The following ADAMTS20 variants were observed in gnomAD, a reference collection of about 807,000 sequenced individuals.
The protein encoded by ADAMTS20 is ADAM metallopeptidase with thrombospondin type 1 motif 20.
Under a neutral mutation model 260.1 loss-of-function variants are expected in ADAMTS20, and 225 were observed. That is an observed-to-expected ratio of 0.87 (90% CI 0.78 to 0.97). The LOEUF is 0.97. ADAMTS20 is among the 50% of genes least tolerant of loss of function. The pLI, the probability that ADAMTS20 is intolerant of heterozygous loss-of-function variation, is 0.00. For missense variants in ADAMTS20, 2,400 were observed against 2,337.7 expected (o/e 1.03, Z -0.55); for synonymous variants, 802 against 769.5 (o/e 1.04, Z -0.70).
chr12:43,517,607 TCAC>T (rs1943016778), intron 3 of ADAMTS20, among the ~76,000 whole-genome samples: 1 of 152,088 alleles, frequency 6.6e-6, no homozygotes, highest in African/African-American at 2.4e-5. Context: ...AGATGTGATT[TCAC>T]CACCACACTG....
At chr12:43,420,771 C>CTCTTCT (rs76391484) in intron 28 of ADAMTS20, among the ~76,000 whole-genome samples, 4 of 142,290 alleles carry the variant, frequency 2.8e-5, no homozygotes, top group African/African-American at 1.0e-4. Context: ...CTTCTTCTTC[C>CTCTTCT]TCTTCTTCTT....
chr12:43,430,145 A>AG (rs988001748), intron 23 of ADAMTS20, among the ~76,000 whole-genome samples: 10 of 146,670 alleles, frequency 6.8e-5, no homozygotes, highest in Non-Finnish European at 1.5e-4. Flanking sequence ...ATAAAGAGTA[A>AG]AAAAAAAAAA....
chr12:43,355,324 T>C (rs1939721559), intron 38 of ADAMTS20, among the ~76,000 whole-genome samples: 2 of 152,198 alleles, frequency 1.3e-5, no homozygotes, highest in African/African-American at 4.8e-5. Flanking sequence ...TATGTTTGCA[T>C]TTCTGTAAGT....
chr12:43,422,566 T>G (rs920154957), intron 28 of ADAMTS20, among the ~76,000 whole-genome samples: 1 of 152,024 alleles, frequency 6.6e-6, no homozygotes, highest in African/African-American at 2.4e-5. Context: ...TCTAATAATA[T>G]GTAAGTACTT....
Position 43,551,077 on chromosome 12 carries a change from G to C in ADAMTS20, c.285C>G (p.Ala95=), listed in dbSNP as rs376746115. The change falls in exon 2 of 39, where the codon GCC becomes GCG. Residue 95 remains alanine, a synonymous_variant. Coordinates refer to ENST00000389420, the MANE Select transcript of ADAMTS20 (RefSeq NM_025003.5). The surrounding 1 kb of genome is among the most constrained non-coding windows in gnomAD (Gnocchi z 4.6). The part of the protein sequence containing the change: ...YGQLFQLNLT[A]DASFLAAGYT... ...AGCCGGCGGCCAGAAAGGATGCATC[G>C]GCGGTCAGGTTCAGCTGGAAGAGCT... 1.1e-5 allele frequency: 17 copies of C among 1,613,864 alleles called. No homozygotes were observed. The highest frequency in any genetic ancestry group is 4.5e-5 in the East Asian group (2 of 44,848).
At chr12:43,379,226 C>T (rs544241496) in intron 31 of ADAMTS20, among the ~76,000 whole-genome samples, 17 of 152,108 alleles carry the variant, frequency 1.1e-4, no homozygotes, top group East Asian at 3.9e-4. Flanking sequence ...ACATTTGTTG[C>T]GCTCAATTAA....
In ADAMTS20 at chr12:43,383,846, C is replaced by T; in HGVS notation, c.4584G>A (p.Gln1528=). 1 of 1,613,920 alleles carries T rather than the reference C, an allele frequency of 6.2e-7. No homozygotes were observed. Among genetic ancestry groups the T allele is most frequent in the Non-Finnish European group, 8.5e-7 (1 of 1,179,832 alleles). ...RPCSQRRCWS[Q]DCVQHKGMER... is the part of the protein sequence containing the mutation. ...CCATCCCCTTGTGCTGCACACAGTC[C>T]TGACTCCAACATCGCCTCTGAGAAC... The change falls in exon 30 of 39, where the codon CAG becomes CAA. Residue 1528 remains glutamine (Q), a synonymous_variant. Coordinates refer to ENST00000389420, the MANE Select transcript of ADAMTS20 (RefSeq NM_025003.5).
intron 31 of ADAMTS20, among the ~76,000 whole-genome samples, chr12:43,380,500 A>G (rs1453703519): frequency 1.3e-5 from 2 of 151,984 alleles, no homozygotes; most frequent in East Asian, 1.9e-4. Context: ...AACTATCTCT[A>G]TTTGTAGATG....
intron 16 of ADAMTS20, 64 bp downstream of exon 16, chr12:43,443,727 C>T (rs1410502679): frequency 7.5e-7 from 1 of 1,326,278 alleles, no homozygotes; most frequent in Non-Finnish European, 1.1e-6. Context: ...TTCACATCAA[C>T]TACAGACTTC....
At chr12:43,425,372 C>A in intron 28 of ADAMTS20, 142 bp downstream of exon 28, 7 of 663,602 alleles carry the variant, frequency 1.1e-5, no homozygotes, top group Non-Finnish European at 1.6e-5. Context: ...CACACATTTA[C>A]CTATGCAGCA....
chr12:43,485,942 A>C (rs1942516264), intron 7 of ADAMTS20, among the ~76,000 whole-genome samples: 1 of 152,210 alleles, frequency 6.6e-6, no homozygotes, highest in African/African-American at 2.4e-5. Context: ...AAATGAAACA[A>C]ACAGAAATAC....
At chr12:43,514,284 G>T (rs901636714) in intron 3 of ADAMTS20, among the ~76,000 whole-genome samples, 1 of 151,524 alleles carries the variant, frequency 6.6e-6, no homozygotes, top group Non-Finnish European at 1.5e-5. Flanking sequence ...TGCTTTTCCG[G>T]CCAGGCAGGA....
chr12:43,456,488 G>A (rs1057155188), intron 11 of ADAMTS20, among the ~76,000 whole-genome samples: 5 of 152,084 alleles, frequency 3.3e-5, no homozygotes, highest in Admixed American at 1.3e-4. Flanking sequence ...CGCCCCATGA[G>A]GAATATATCC....
chr12:43,380,844 C>A (rs940221708), intron 31 of ADAMTS20, among the ~76,000 whole-genome samples: 1 of 152,038 alleles, frequency 6.6e-6, no homozygotes. Context: ...CAACCTCTAA[C>A]AAAATCTCAG....
At chr12:43,419,531 C>T (rs1192188906) in intron 28 of ADAMTS20, among the ~76,000 whole-genome samples, 1 of 152,066 alleles carries the variant, frequency 6.6e-6, no homozygotes. Context: ...AGAACACTGA[C>T]AACAATTTCT....
At chr12:43,444,873 T>C (rs1442111840) in intron 15 of ADAMTS20, among the ~76,000 whole-genome samples, 3 of 152,214 alleles carry the variant, frequency 2.0e-5, no homozygotes, top group Non-Finnish European at 4.4e-5. Context: ...CTATCTTGCA[T>C]GTGTTTTAGA....
intron 2 of ADAMTS20, among the ~76,000 whole-genome samples, chr12:43,537,270 G>A (rs2137514076): frequency 6.6e-6 from 1 of 151,670 alleles, no homozygotes; most frequent in South Asian, 2.1e-4. Flanking sequence ...GCCCAGGCTG[G>A]TCCCGAACTC....
intron 18 of ADAMTS20, among the ~76,000 whole-genome samples, chr12:43,438,132 C>T (rs200807711): frequency 1.3e-5 from 2 of 152,170 alleles, no homozygotes; most frequent in East Asian, 3.8e-4. Flanking sequence ...TGCTTTTCCC[C>T]TGCACGCGAT....
In ADAMTS20 at chr12:43,490,347, T is replaced by C. The variant is rs769637721; in HGVS notation, c.1117+48A>G. 5 of 964,560 alleles carry C rather than the reference T, an allele frequency of 5.2e-6. No individual in the cohort carries two copies. The East Asian group carries it at 1.6e-4, about 31-fold the overall frequency. The allele number at this position is 964,560 out of a possible 1,614,324, so 59.8% of individuals were successfully genotyped here. On this transcript the variant is annotated intron_variant, in intron 7 of 38. Transcript: ENST00000389420. ...ATAGCCTAAACATTATTGTAAATAA[T>C]TCAATAAACAATTACATAAGCTAAA...
Sources: gnomAD v4.1 joint callset for allele counts (sites outside exome capture counted in the v4.1 genomes callset) on GRCh38, gnomAD v4.1.1 for gene constraint, Gnocchi (gnomAD v3.1) non-coding constraint, MANE v1.5 for transcripts, NCBI Gene and HGNC (gene_info 2026-07-23, HGNC 2026-07-21) for gene names.